The following SGCZ variants were observed in gnomAD, a reference collection of about 807,000 sequenced individuals.
The protein encoded by SGCZ is zeta-sarcoglycan.
SGCZ carries 40 observed loss-of-function variants against 41.3 expected under a neutral mutation model. The observed-to-expected ratio is 0.97, with a 90% CI of 0.75 to 1.26. The LOEUF is 1.26. SGCZ is among the 50% of genes most tolerant of loss of function. The pLI is 0.00. For missense variants in SGCZ, 552 were observed against 369.8 expected (o/e 1.49, Z -4.04); for synonymous variants, 206 against 137.5 (o/e 1.50, Z -3.49).
chr8:14,705,724 G>T (rs113709963), intron 1 of SGCZ, among the ~76,000 whole-genome samples: 4 of 151,976 alleles, frequency 2.6e-5, no homozygotes, highest in Non-Finnish European at 5.9e-5. Context: ...GGAAGCAGAG[G>T]TTCTGAAATA....
At chr8:14,153,964 T>A (rs1803797719) in intron 5 of SGCZ, among the ~76,000 whole-genome samples, 1 of 151,122 alleles carries the variant, frequency 6.6e-6, no homozygotes, top group Non-Finnish European at 1.5e-5. Context: ...CACACACATA[T>A]ATATGAAGAC....
At chr8:14,377,566 A>G (rs1011789540) in intron 2 of SGCZ, among the ~76,000 whole-genome samples, 1 of 151,444 alleles carries the variant, frequency 6.6e-6, no homozygotes, top group Non-Finnish European at 1.5e-5. Context: ...TTTAGGGTAC[A>G]TGTGCACATT....
chr8:14,861,780 C>T (rs562786718), intron 1 of SGCZ, among the ~76,000 whole-genome samples: 10 of 152,092 alleles, frequency 6.6e-5, no homozygotes, highest in African/African-American at 1.9e-4. Context: ...AGCTTCCCAA[C>T]ATCGAGATAT....
At chr8:14,658,071 A>T (rs1412010234) in intron 1 of SGCZ, among the ~76,000 whole-genome samples, 1 of 152,174 alleles carries the variant, frequency 6.6e-6, no homozygotes. Flanking sequence ...TGGACACAAC[A>T]TTATGCCATG....
chr8:14,655,127 G>C (rs1237424481), intron 1 of SGCZ, among the ~76,000 whole-genome samples: 1 of 151,996 alleles, frequency 6.6e-6, no homozygotes, highest in East Asian at 1.9e-4. Flanking sequence ...TATTTTATGA[G>C]CAAATGAATA....
At chr8:14,998,340 T>A (rs1024576505) in intron 1 of SGCZ, among the ~76,000 whole-genome samples, 5 of 152,208 alleles carry the variant, frequency 3.3e-5, no homozygotes, top group African/African-American at 4.8e-5. Context: ...GAAAGTTACT[T>A]CTGAATACAG....
intron 1 of SGCZ, among the ~76,000 whole-genome samples, chr8:14,966,605 C>T (rs796971855): frequency 8.6e-5 from 13 of 152,044 alleles, no homozygotes; most frequent in African/African-American, 3.1e-4. Context: ...TACTAATTTC[C>T]ATTTAGAAAT....
At chr8:14,507,103 G>T (rs73190251) in intron 2 of SGCZ, among the ~76,000 whole-genome samples, 2,649 of 138,378 alleles carry the variant, frequency 0.019, 40 homozygotes, top group East Asian at 0.08. Flanking sequence ...AAATTAACAT[G>T]CCAAAAACTA....
At chr8:15,230,272 C>G (rs1403525194) in intron 1 of SGCZ, among the ~76,000 whole-genome samples, 1 of 151,588 alleles carries the variant, frequency 6.6e-6, no homozygotes, top group African/African-American at 2.4e-5. Context: ...TGTCACTCTT[C>G]TTGGAAATTA....
At chr8:15,142,173 A>G (rs1027081685) in intron 1 of SGCZ, among the ~76,000 whole-genome samples, 2 of 152,172 alleles carry the variant, frequency 1.3e-5, no homozygotes, top group African/African-American at 4.8e-5. Context: ...AAATGACTAG[A>G]GGACTTTTGA....
intron 5 of SGCZ, among the ~76,000 whole-genome samples, chr8:14,161,756 A>C (rs1422958720): frequency 6.6e-6 from 1 of 152,220 alleles, no homozygotes. Flanking sequence ...TCAATCGAGA[A>C]CATTATAAAG....
At chr8:14,227,908 T>C (rs1806427507) in intron 4 of SGCZ, among the ~76,000 whole-genome samples, 2 of 152,034 alleles carry the variant, frequency 1.3e-5, no homozygotes, top group Non-Finnish European at 2.9e-5. Flanking sequence ...TTAACAGACC[T>C]AGATCATAAG....
At chr8:14,519,152 A>G (rs1585623977) in intron 2 of SGCZ, among the ~76,000 whole-genome samples, 2 of 152,072 alleles carry the variant, frequency 1.3e-5, no homozygotes, top group African/African-American at 4.8e-5. Context: ...AGATCAATTA[A>G]GCACAAAAAT....
chr8:14,369,993 T>C (rs1044157290), intron 2 of SGCZ, among the ~76,000 whole-genome samples: 3 of 152,002 alleles, frequency 2.0e-5, no homozygotes, highest in African/African-American at 7.2e-5. Flanking sequence ...GATGGAAATA[T>C]CCCACATCTG....
At chr8:14,249,319 G>A (rs1191822561) in intron 3 of SGCZ, among the ~76,000 whole-genome samples, 23 of 152,090 alleles carry the variant, frequency 1.5e-4, no homozygotes, top group Admixed American at 1.2e-3. Context: ...GTTTGGTTTA[G>A]CATGATATCA....
At chr8:14,854,386 T>C (rs1803468975) in intron 1 of SGCZ, among the ~76,000 whole-genome samples, 1 of 152,026 alleles carries the variant, frequency 6.6e-6, no homozygotes, top group Admixed American at 6.6e-5. Flanking sequence ...TGTAGTTTAT[T>C]TAGACTCAAC....
intron 1 of SGCZ, among the ~76,000 whole-genome samples, chr8:14,603,325 A>G (rs879257269): frequency 9.2e-5 from 14 of 152,188 alleles, no homozygotes; most frequent in East Asian, 1.9e-4. Context: ...ACTGAAAACA[A>G]TATATCAGTT....
At chr8:15,039,085 G>A (rs371607100) in intron 1 of SGCZ, among the ~76,000 whole-genome samples, 137 of 152,072 alleles carry the variant, frequency 9.0e-4, no homozygotes, top group African/African-American at 3.2e-3. Flanking sequence ...CCTCAGACAA[G>A]TAAAAATAGA....
chr8:14,123,068 G>A (rs1229487474), intron 5 of SGCZ, among the ~76,000 whole-genome samples: 2 of 152,118 alleles, frequency 1.3e-5, no homozygotes, highest in African/African-American at 4.8e-5. Context: ...GTGTTGAAAA[G>A]AAGAACGACC....
Sources: allele counts gnomAD v4.1 joint callset (sites outside exome capture counted in the v4.1 genomes callset), GRCh38; gene constraint gnomAD v4.1.1; transcripts MANE v1.5; gene names NCBI Gene and HGNC (gene_info 2026-07-23, HGNC 2026-07-21).